The following TRIM52 variants were observed in gnomAD, a reference collection of about 807,000 sequenced individuals.
The protein encoded by TRIM52 is tripartite motif containing 52.
In TRIM52, 24 loss-of-function variants were observed where a neutral mutation model predicts 27.0. The observed-to-expected ratio is 0.89, with a 90% CI of 0.64 to 1.25. TRIM52 has a LOEUF of 1.25. Among genes scored for constraint, TRIM52 ranks in the 50% most tolerant of loss-of-function variants. TRIM52 has a pLI of 0.00. For synonymous variants in TRIM52, 125 were observed against 126.5 expected (o/e 0.99, Z 0.08); for missense variants, 351 against 354.7 (o/e 0.99, Z 0.08).
intron 1 of TRIM52, chr5:181,257,597 C>A: frequency 1.2e-6 from 1 of 838,486 alleles, no homozygotes; most frequent in Admixed American, 3.2e-5. Flanking sequence ...GTTCCTTGTA[C>A]TGTTAACTAT....
downstream of TRIM52, chr5:181,254,552 T>G (rs190437523): frequency 3.5e-4 from 53 of 152,100 alleles, no homozygotes; most frequent in African/African-American, 1.1e-3. Flanking sequence ...ATTTTTTGTG[T>G]TTTTAGTAGA....
intron 1 of TRIM52, chr5:181,257,607 T>C (rs1759837901): frequency 1.4e-6 from 1 of 737,128 alleles, no homozygotes. Flanking sequence ...CTGTTAACTA[T>C]TATTATGACT....
downstream of TRIM52, among the ~76,000 whole-genome samples, chr5:181,249,418 C>T (rs1759588930): frequency 6.6e-6 from 1 of 152,168 alleles, no homozygotes; most frequent in Non-Finnish European, 1.5e-5. Context: ...GAGCATGGTT[C>T]ACACCTGTAA....
rs1433446630 is a variant in TRIM52 at position 181,260,320 on chromosome 5, A to C, written c.494T>G (p.Leu165Arg). ...EAYDEDEDEE[L>R]YPDIHPPPSL... ...AGGAGGCGGGTGGATGTCAGGATACAGCTCTTCATCTTCGTCCTCATCGTA... is the reference window on the plus strand; with the variant it reads ...AGGAGGCGGGTGGATGTCAGGATACCGCTCTTCATCTTCGTCCTCATCGTA... Residue 165 changes from leucine to arginine, a missense_variant, in exon 1 of 2, where the codon CTG becomes CGG. Coordinates refer to ENST00000688015, the MANE Select transcript of TRIM52 (RefSeq NM_001346048.2). This position sits in a 1 kb window ranked among gnomAD's most constrained non-coding sequence, Gnocchi z 4.4. 1.9e-6 allele frequency: 3 copies of C among 1,613,964 alleles called. No individual in the cohort carries two copies. Among genetic ancestry groups the C allele is most frequent in the Non-Finnish European group, 2.5e-6 (3 of 1,180,016 alleles).
In TRIM52 at chr5:181,260,270, T is replaced by G; in HGVS notation, c.544A>C (p.Thr182Pro). Residue 182 changes from threonine to proline, a missense_variant, in exon 1 of 2, where the codon ACC becomes CCC. Physicochemically the swap from Thr to Pro is conservative, Grantham distance 38. Coordinates refer to ENST00000688015, the MANE Select transcript of TRIM52 (RefSeq NM_001346048.2). The surrounding 1 kb of genome is among the most constrained non-coding windows in gnomAD (Gnocchi z 4.4). ...AAGCTCTTTCGGCACTGGGGGCAGG[T>G]GAACTGCCCTGGAAGGGGCAAGGAA... ...PPSLPLPGQF[T>P]CPQCRKSFTR... 1.2e-6 allele frequency: 2 copies of G among 1,614,130 alleles called. No homozygotes were observed. The highest frequency in any genetic ancestry group is 1.7e-6 in the Non-Finnish European group (2 of 1,180,032).
chr5:181,252,133 T>C (rs555525949), downstream of TRIM52, among the ~76,000 whole-genome samples: 38 of 152,170 alleles, frequency 2.5e-4, no homozygotes, highest in Non-Finnish European at 4.9e-4. Context: ...ATCATTTTGG[T>C]CAGATTTTAA....
rs1760004775 is a variant in TRIM52, at chr5:181,260,460, G to A, written c.354C>T (p.Asp118=). ...DSGITNWDNV[D]YMWDEEEEEE... Reference sequence around the variant, plus strand: ...CTTCTTCCTCCTCGTCCCACATATAGTCTACGTTGTCCCAATTAGTTATAC... The same window carrying A: ...CTTCTTCCTCCTCGTCCCACATATAATCTACGTTGTCCCAATTAGTTATAC... Residue 118 remains aspartate (D), a synonymous_variant, in exon 1 of 2, where the codon GAC becomes GAT. Transcript: ENST00000688015. This position sits in a 1 kb window ranked among gnomAD's most constrained non-coding sequence, Gnocchi z 4.4. The A allele has an allele frequency of 6.2e-7, 1 of 1,613,500 alleles. No homozygotes were observed. Among genetic ancestry groups the A allele is most frequent in the Non-Finnish European group, 8.5e-7 (1 of 1,179,946 alleles).
In TRIM52 at chr5:181,260,792, G is replaced by A; in HGVS notation, c.22C>T (p.Pro8Ser). ...TCCTGAAGGGTCTGCATGGGGCTGG[G>A]AGTAGTGGCATAACCAGCCATCTTA... MAGYATT[P>S]SPMQTLQEEA... The change falls in exon 1 of 2, where the codon CCC (proline) becomes TCC (serine). Residue 8 changes from proline (P) to serine (S), a missense_variant. Physicochemically the swap from Pro to Ser is moderately conservative, Grantham distance 74. Transcript: ENST00000688015. The surrounding 1 kb of genome is among the most constrained non-coding windows in gnomAD (Gnocchi z 4.4). The A allele has an allele frequency of 6.3e-7, 1 of 1,597,530 alleles. No homozygotes were observed.
chr5:181,256,743 G>T lies in TRIM52; in HGVS notation c.*66C>A. On this transcript the variant is annotated 3_prime_UTR_variant, in exon 2 of 2. Coordinates refer to ENST00000688015, the MANE Select transcript of TRIM52 (RefSeq NM_001346048.2). ...TACTGTCCAGTCTTAAAGCTGCAGA[G>T]AATCGGGCTTTGCAGAACACTCCAC... The T allele has an allele frequency of 1.1e-6, 1 of 909,972 alleles. No homozygotes were observed. The highest frequency in any genetic ancestry group is 1.3e-6 in the Non-Finnish European group (1 of 761,174). The allele number at this position is 909,972 out of a possible 1,614,324, so 56.4% of individuals were successfully genotyped here.
At chr5:181,252,450 TAGAC>T (rs1273959011), downstream of TRIM52, among the ~76,000 whole-genome samples, 6 of 152,260 alleles carry the variant, frequency 3.9e-5, no homozygotes, top group Non-Finnish European at 8.8e-5. Context: ...TCTACTGTAT[TAGAC>T]AGCAGATACA....
intron 1 of TRIM52, 171 bp from the exon 2 acceptor site, chr5:181,257,030 G>C (rs577755699): frequency 1.0e-6 from 1 of 992,104 alleles, no homozygotes; most frequent in South Asian, 4.6e-5. Context: ...CTGGGTGGCA[G>C]GACAATCCAG....
downstream of TRIM52, chr5:181,254,960 T>C (rs1250627449): frequency 2.6e-5 from 4 of 152,226 alleles, no homozygotes; most frequent in African/African-American, 9.6e-5. Flanking sequence ...CAGTCTGACT[T>C]GTGATACAGC....
At chr5:181,254,907 G>A (rs1039286569), downstream of TRIM52, 6 of 152,246 alleles carry the variant, frequency 3.9e-5, no homozygotes, top group Admixed American at 3.3e-4. Flanking sequence ...ATCTGAAGAT[G>A]AGATCCAGGG....
Position 181,260,415 on chromosome 5 carries a change from G to A in TRIM52, c.399C>T (p.Asp133=), listed in dbSNP as rs756185257. ...EEEEEEEEDQ[D]YYLGGLRPDL... ...CAGGTCTCAAGCCTCCTAGGTAATA[G>A]TCCTGATCTTCCTCTTCTTCTTCTT... Residue 133 remains aspartate, a synonymous_variant, in exon 1 of 2, where the codon GAC becomes GAT. Coordinates refer to ENST00000688015, the MANE Select transcript of TRIM52 (RefSeq NM_001346048.2). The surrounding 1 kb of genome is among the most constrained non-coding windows in gnomAD (Gnocchi z 4.4). 14 of 1,594,450 alleles carry A rather than the reference G, an allele frequency of 8.8e-6. No homozygotes were observed. The highest frequency in any genetic ancestry group is 1.2e-5 in the Non-Finnish European group (14 of 1,178,220).
chr5:181,252,071 T>C (rs1176731038), downstream of TRIM52, among the ~76,000 whole-genome samples: 1 of 152,254 alleles, frequency 6.6e-6, no homozygotes, highest in African/African-American at 2.4e-5. Context: ...AGTTTTCTCC[T>C]GTCTCGTCAC....
downstream of TRIM52, among the ~76,000 whole-genome samples, chr5:181,249,145 CTA>C (rs1759584047): frequency 6.6e-6 from 1 of 152,156 alleles, no homozygotes; most frequent in Admixed American, 6.5e-5. Flanking sequence ...AGGAGTAAAA[CTA>C]GAGACAAGAA....
At position 181,260,116 on chromosome 5, in the gene TRIM52, G is replaced by T; in HGVS notation, c.698C>A (p.Ala233Asp). 1 of 1,614,186 alleles carries T rather than the reference G, an allele frequency of 6.2e-7. No individual in the cohort carries two copies. Among genetic ancestry groups the T allele is most frequent in the Non-Finnish European group, 8.5e-7 (1 of 1,180,030 alleles). The change falls in exon 1 of 2, where the codon GCC becomes GAC. Residue 233 changes from alanine (A) to aspartate (D), a missense_variant. Ala to Asp is a moderately radical substitution (Grantham distance 126). Coordinates refer to ENST00000688015, the MANE Select transcript of TRIM52 (RefSeq NM_001346048.2). This position sits in a 1 kb window ranked among gnomAD's most constrained non-coding sequence, Gnocchi z 4.4. Reference protein sequence around the residue: ...DQGMCFKHQEALKLFCEVDKE... With the variant: ...DQGMCFKHQEDLKLFCEVDKE... ...GTCCACCTCACAGAAGAGTTTCAGG[G>T]CTTCCTGGTGTTTAAAGCACATGCC...
chr5:181,254,061 C>T (rs1252379895), downstream of TRIM52, among the ~76,000 whole-genome samples: 2 of 141,424 alleles, frequency 1.4e-5, no homozygotes, highest in Non-Finnish European at 3.0e-5. Context: ...GAGGCCGAGG[C>T]GGGCAGATCA....
In TRIM52 at chr5:181,260,534, C is replaced by G. The variant is rs1267434974; in HGVS notation, c.280G>C (p.Glu94Gln). 2.5e-6 allele frequency: 4 copies of G among 1,614,008 alleles called. No homozygotes were observed. The South Asian group carries it at 4.4e-5, about 18-fold the overall frequency. ...TCGTCATCTTGGTCTTGGAACAACT[C>G]TTCGTCAGCATTCCCCCGATACAAC... ...EVLYRGNADEELFQDQDDDEL... is the reference protein window; with the variant it reads ...EVLYRGNADEQLFQDQDDDEL... The change falls in exon 1 of 2, where the codon GAG becomes CAG. Residue 94 changes from glutamate (E) to glutamine (Q), a missense_variant. Coordinates refer to ENST00000688015, the MANE Select transcript of TRIM52 (RefSeq NM_001346048.2). The surrounding 1 kb of genome is among the most constrained non-coding windows in gnomAD (Gnocchi z 4.4).
Sources: allele counts gnomAD v4.1 joint callset (sites outside exome capture counted in the v4.1 genomes callset), GRCh38; gene constraint gnomAD v4.1.1; non-coding constraint Gnocchi (gnomAD v3.1); transcripts MANE v1.5; gene names NCBI Gene and HGNC (gene_info 2026-07-23, HGNC 2026-07-21).